The following RGS20 variants were observed in gnomAD, a reference collection of about 807,000 sequenced individuals.
RGS20 encodes the protein regulator of G protein signaling 20.
In RGS20, 30 loss-of-function variants were observed where a neutral mutation model predicts 33.6. The ratio of observed to expected loss-of-function variants is 0.89; its 90% confidence interval spans 0.67 to 1.21. The LOEUF is 1.21. RGS20 is among the 50% of genes most tolerant of loss of function. The pLI, the probability that RGS20 is intolerant of heterozygous loss-of-function variation, is 0.00. For missense variants in RGS20, 472 were observed against 502.4 expected, an observed-to-expected ratio of 0.94 and a Z score of 0.58; for synonymous variants, 208 against 197.9, an observed-to-expected ratio of 1.05 and a Z score of -0.43.
chr8:53,881,199 G>A, intron 2 of RGS20, 115 bp downstream of exon 1: 1 of 752,908 alleles, frequency 1.3e-6, no homozygotes, highest in Non-Finnish European at 2.0e-6. Flanking sequence ...ACCTCAGGGT[G>A]TCGCCGTTGC....
rs1444425405 is a variant in RGS20 at position 53,921,596 on chromosome 8, A to AT, written c.511-17974dup. Among the ~76,000 whole-genome samples, 9 of 151,638 alleles carry AT rather than the reference A, an allele frequency of 5.9e-5. No homozygotes were observed. The East Asian group carries it at 1.4e-3, about 23-fold the overall frequency. ...TTTTGTTAGTTTATGACTTTCCAGGATTTTTTCCATTTCATCTAAGTTTTC... is the reference window on the plus strand; with the variant it reads ...TTTTGTTAGTTTATGACTTTCCAGGATTTTTTTCCATTTCATCTAAGTTTTC... On this transcript the variant is annotated intron_variant, in intron 2 of 5. Transcript: ENST00000297313.
At chr8:53,927,099 C>G (rs1585928957) in intron 2 of RGS20, among the ~76,000 whole-genome samples, 1 of 151,926 alleles carries the variant, frequency 6.6e-6, no homozygotes, top group East Asian at 1.9e-4. Context: ...TTGGAAAAGC[C>G]TTGTTTGAGG....
At chr8:53,903,223 T>C (rs1279776635) in intron 2 of RGS20, among the ~76,000 whole-genome samples, 1 of 152,212 alleles carries the variant, frequency 6.6e-6, no homozygotes, top group African/African-American at 2.4e-5. Flanking sequence ...TCTGGACACA[T>C]AATATTTTAG....
rs890343043 is a variant in RGS20, at chr8:53,881,146, C to G, written c.510+1544C>G. On this transcript the variant is annotated intron_variant, in intron 2 of 5. Transcript: ENST00000297313. The stretch of plus-strand genomic sequence containing the variant: ...CTCGGGCTCGCCCTGAGGCTTCGTG[C>G]TGGAAAGTGGCCGAGGCTGGGAGGG... 40 of 1,284,070 alleles carry G rather than the reference C, an allele frequency of 3.1e-5. No homozygotes were observed. The Middle Eastern group carries it at 6.7e-4, about 21-fold the overall frequency. The allele number at this position is 1,284,070 out of a possible 1,614,324, so 79.5% of individuals were successfully genotyped here.
intron 1 of RGS20, among the ~76,000 whole-genome samples, chr8:53,855,212 G>A (rs967534492): frequency 1.3e-5 from 2 of 151,984 alleles, no homozygotes; most frequent in African/African-American, 4.8e-5. Flanking sequence ...CTACAGGCAC[G>A]TGCCACCACA....
intron 2 of RGS20, among the ~76,000 whole-genome samples, chr8:53,888,952 C>G (rs931991561): frequency 7.9e-5 from 12 of 152,132 alleles, no homozygotes; most frequent in Non-Finnish European, 1.6e-4. Context: ...TATTCCATTC[C>G]ACTACTGAAG....
chr8:53,901,819 C>G (rs760145566), intron 2 of RGS20, among the ~76,000 whole-genome samples: 1 of 151,810 alleles, frequency 6.6e-6, no homozygotes, highest in Non-Finnish European at 1.5e-5. Context: ...CAAATAGCCA[C>G]TGCACTCCAC....
chr8:53,886,296 ACAAT>A (rs1702241032), intron 2 of RGS20, among the ~76,000 whole-genome samples: 1 of 152,194 alleles, frequency 6.6e-6, no homozygotes, highest in African/African-American at 2.4e-5. Context: ...GAGGCCATTC[ACAAT>A]CAAGTTTGAT....
At chr8:53,950,477 T>C (rs1355350123) in intron 4 of RGS20, among the ~76,000 whole-genome samples, 2 of 152,190 alleles carry the variant, frequency 1.3e-5, no homozygotes, top group Admixed American at 1.3e-4. Flanking sequence ...AGCATTTCCT[T>C]TGAGTGTCAT....
chr8:53,885,813 GA>G lies in RGS20; in HGVS notation c.510+6212del, dbSNP rs1585887373. Among the ~76,000 whole-genome samples the G allele has an allele frequency of 3.1e-4, 11 of 35,486 alleles. No individual in the cohort carries two copies. The East Asian group carries it at 9.0e-3, about 29-fold the overall frequency. The allele number at this position is 35,486 out of a possible 152,430, so 23.3% of individuals were successfully genotyped here. On this transcript the variant is annotated intron_variant, in intron 2 of 5. Transcript: ENST00000297313. ...CTCTTTTTTTTTTTTTTTTTTTTTT[GA>G]CTCCAAGAAACCTCTTGCATGAATA...
intron 1 of RGS20, chr8:53,852,138 T>C (rs1008814917): frequency 2.9e-6 from 4 of 1,368,316 alleles, no homozygotes; most frequent in Admixed American, 2.3e-5. Context: ...TATAAAACTA[T>C]ACTCAAGCTT....
chr8:53,949,633 C>T (rs1268983663), intron 4 of RGS20, among the ~76,000 whole-genome samples: 1 of 151,380 alleles, frequency 6.6e-6, no homozygotes, highest in African/African-American at 2.4e-5. Context: ...GGGAGAATTG[C>T]TTGAACACTG....
At chr8:53,927,281 C>T (rs1813828656) in intron 2 of RGS20, among the ~76,000 whole-genome samples, 2 of 150,756 alleles carry the variant, frequency 1.3e-5, no homozygotes, top group African/African-American at 4.9e-5. Flanking sequence ...CTCACTGCAG[C>T]CTCAACCTCC....
In RGS20 at chr8:53,877,734, G is replaced by C. The variant is rs1043583555; in HGVS notation, c.166-1524G>C. 3.3e-5 allele frequency among the ~76,000 whole-genome samples: 5 copies of C among 152,226 alleles called. No homozygotes were observed. Among genetic ancestry groups the C allele is most frequent in the Non-Finnish European group, 7.3e-5 (5 of 68,042 alleles). Reference sequence around the variant, plus strand: ...AAAGGTAATGAGGGGAAGTGAAACAGTGTGAACTTACTCGGAAATGCAAAC... The same window carrying C: ...AAAGGTAATGAGGGGAAGTGAAACACTGTGAACTTACTCGGAAATGCAAAC... On this transcript the variant is annotated intron_variant, in intron 1 of 5. Transcript: ENST00000297313. The surrounding 1 kb of genome is among the most constrained non-coding windows in gnomAD (Gnocchi z 5.7).
intron 2 of RGS20, among the ~76,000 whole-genome samples, chr8:53,896,423 A>C (rs184756039): frequency 2.7e-4 from 41 of 152,360 alleles, no homozygotes; most frequent in East Asian, 2.1e-3. Context: ...AGAATTGAGT[A>C]GTTGCAGACA....
At position 53,898,140 on chromosome 8, in the gene RGS20, C is replaced by G. The variant is rs151318151; in HGVS notation, c.510+18538C>G. Among the ~76,000 whole-genome samples the G allele has an allele frequency of 2.6e-5, 4 of 152,272 alleles. No homozygotes were observed. In the East Asian group the frequency reaches 5.8e-4, roughly 22 times the overall value. On this transcript the variant is annotated intron_variant, in intron 2 of 5. Coordinates refer to ENST00000297313, the MANE Select transcript of RGS20 (RefSeq NM_170587.4). ...ACCAGGAGCTGCTGCTCTGCCTCCC[C>G]CTGGCTATAATTCCCTGCCTGACTT...
rs113311844 is a variant in RGS20 at position 53,934,873 on chromosome 8, C to T, written c.511-4703C>T. On this transcript the variant is annotated intron_variant, in intron 2 of 5. Transcript: ENST00000297313. The stretch of plus-strand genomic sequence containing the variant: ...ACATAATTGAAAGTAAAACACTCCT[C>T]GGCAAACGCAAAAGAACAGAAATCA... 6.2e-3 allele frequency among the ~76,000 whole-genome samples: 938 copies of T among 152,184 alleles called. 10 individuals are homozygous for T. Among genetic ancestry groups the T allele is most frequent in the African/African-American group, 0.021 (890 of 41,506 alleles).
chr8:53,933,756 G>GAA (rs1478852803), intron 2 of RGS20: 1 of 152,190 alleles, frequency 6.6e-6, no homozygotes, highest in Non-Finnish European at 1.5e-5. Context: ...GAAATACAGA[G>GAA]AACACCACGA....
intron 2 of RGS20, among the ~76,000 whole-genome samples, chr8:53,888,094 T>C (rs546366144): frequency 8.5e-5 from 13 of 152,350 alleles, no homozygotes; most frequent in African/African-American, 3.1e-4. Context: ...CAAATACTTA[T>C]TTCTAGTGAC....
Sources: allele counts gnomAD v4.1 joint callset (sites outside exome capture counted in the v4.1 genomes callset), GRCh38; gene constraint gnomAD v4.1.1; non-coding constraint Gnocchi (gnomAD v3.1); transcripts MANE v1.5; gene names NCBI Gene and HGNC (gene_info 2026-07-23, HGNC 2026-07-21).